SLIT2: variants seen among roughly 807,000 people sequenced by gnomAD.
SLIT2 encodes slit guidance ligand 2, also known as slit homolog 2 protein.
Under a neutral mutation model 185.7 loss-of-function variants are expected in SLIT2, and 41 were observed. The ratio of observed to expected loss-of-function variants is 0.22; its 90% CI spans 0.17 to 0.29. The LOEUF is 0.29. SLIT2 is among the 10% of genes least tolerant of loss of function. The pLI is 1.00. For synonymous variants in SLIT2, 693 were observed against 680.2 expected, an observed-to-expected ratio of 1.02 and a Z score of -0.29; for missense variants, 1,571 against 1,909.0, an observed-to-expected ratio of 0.82 and a Z score of 3.30.
Position 20,472,321 on chromosome 4 carries a change from T to G in SLIT2, c.467+4498T>G, listed in dbSNP as rs550596359. Among the ~76,000 whole-genome samples, 408 of 78,486 alleles carry G rather than the reference T, an allele frequency of 5.2e-3. 15 individuals are homozygous for G. The highest frequency in any genetic ancestry group is 0.024 in the Middle Eastern group (2 of 84). 51.5% of individuals were successfully genotyped at this position (78,486 alleles called of 152,430 possible). On this transcript the variant is annotated intron_variant, in intron 5 of 36. Transcript: ENST00000504154. ...ATATATAGATCTATATATAGATATA[T>G]ATATCTATATATAGATCTATATATA...
intron 5 of SLIT2, among the ~76,000 whole-genome samples, chr4:20,468,536 AT>A (rs5856560): frequency 0.043 from 6,525 of 152,116 alleles, 231 homozygotes; most frequent in African/African-American, 0.098. Flanking sequence ...AATTATAAGC[AT>A]TTTTTAAGTG....
In SLIT2 at chr4:20,595,830, T is replaced by C. The variant is rs142112521; in HGVS notation, c.3316T>C (p.Tyr1106His). Residue 1106 changes from tyrosine to histidine, a missense_variant, in exon 31 of 37, where the codon TAC becomes CAC. Transcript: ENST00000504154. ...CTATACGTGCATATGCCCCGAAGGT[T>C]ACAGGTAAAAGCAGAAATGAATAAG... ...NGYTCICPEGYSGLFCEFSPP... is the reference protein window; with the variant it reads ...NGYTCICPEGHSGLFCEFSPP... The C allele has an allele frequency of 4.3e-5, 70 of 1,613,278 alleles. No individual in the cohort carries two copies. The African/African-American group carries it at 8.7e-4, about 20-fold the overall frequency.
chr4:20,409,772 G>C (rs1301701782), intron 4 of SLIT2, among the ~76,000 whole-genome samples: 2 of 152,144 alleles, frequency 1.3e-5, no homozygotes, highest in African/African-American at 4.8e-5. Flanking sequence ...TCTTACTGGT[G>C]TGAGATGATA....
chr4:20,373,440 A>T (rs1318108465), intron 4 of SLIT2, among the ~76,000 whole-genome samples: 1 of 152,064 alleles, frequency 6.6e-6, no homozygotes, highest in Non-Finnish European at 1.5e-5. Context: ...TTTCACACAC[A>T]AGTTTAACTC....
chr4:20,322,745 T>C (rs1391951928), intron 4 of SLIT2, among the ~76,000 whole-genome samples: 1 of 152,166 alleles, frequency 6.6e-6, no homozygotes, highest in Non-Finnish European at 1.5e-5. Flanking sequence ...AGTCAGTGTC[T>C]CTGCCCCATT....
At chr4:20,460,154 C>G (rs533454281) in intron 4 of SLIT2, among the ~76,000 whole-genome samples, 1 of 152,022 alleles carries the variant, frequency 6.6e-6, no homozygotes, top group African/African-American at 2.4e-5. Context: ...TGAGCCACTG[C>G]GCCTGGCCAT....
chr4:20,616,302 T>C (rs1349749751), intron 34 of SLIT2: 1 of 152,258 alleles, frequency 6.6e-6, no homozygotes, highest in Admixed American at 6.5e-5. Flanking sequence ...GAATGGTCAC[T>C]GTGAACCCCA....
chr4:20,565,641 A>G (rs1725029634), intron 26 of SLIT2, among the ~76,000 whole-genome samples: 1 of 151,254 alleles, frequency 6.6e-6, no homozygotes, highest in Non-Finnish European at 1.5e-5. Context: ...TGATATAGAG[A>G]CTCCTTTAGT....
chr4:20,400,899 A>G (rs1726296052), intron 4 of SLIT2, among the ~76,000 whole-genome samples: 1 of 151,860 alleles, frequency 6.6e-6, no homozygotes, highest in South Asian at 2.1e-4. Flanking sequence ...CAAGGGTGGT[A>G]TCCATAAATT....
intron 5 of SLIT2, among the ~76,000 whole-genome samples, chr4:20,475,747 T>TA (rs1716028736): frequency 6.6e-6 from 1 of 152,138 alleles, no homozygotes. Context: ...CACTTTTGAT[T>TA]AGTTCACTTA....
chr4:20,536,691 T>G (rs1722326030), intron 18 of SLIT2, among the ~76,000 whole-genome samples: 1 of 151,928 alleles, frequency 6.6e-6, no homozygotes, highest in Non-Finnish European at 1.5e-5. Flanking sequence ...CTTTATGAAC[T>G]TTTTAATGTT....
intron 4 of SLIT2, among the ~76,000 whole-genome samples, chr4:20,364,927 A>G (rs991444262): frequency 6.6e-6 from 1 of 152,082 alleles, no homozygotes; most frequent in African/African-American, 2.4e-5. Flanking sequence ...TGACTGTAGC[A>G]TGTCTTATTT....
intron 4 of SLIT2, among the ~76,000 whole-genome samples, chr4:20,355,314 C>A (rs1425388314): frequency 6.6e-6 from 1 of 152,148 alleles, no homozygotes; most frequent in Non-Finnish European, 1.5e-5. Flanking sequence ...CTGTAGATTT[C>A]TATTACTGCA....
At chr4:20,541,704 C>T in intron 20 of SLIT2, 85 bp downstream of exon 20, 1 of 1,177,340 alleles carries the variant, frequency 8.5e-7, no homozygotes, top group Non-Finnish European at 1.2e-6. Context: ...CAGCATAGTT[C>T]AGCTCAGCAA....
At chr4:20,423,666 G>A (rs1252206921) in intron 4 of SLIT2, among the ~76,000 whole-genome samples, 2 of 152,140 alleles carry the variant, frequency 1.3e-5, no homozygotes, top group East Asian at 1.9e-4. Flanking sequence ...ACTATGATTG[G>A]CATTTAAGGG....
rs1721528687 is a variant in SLIT2, at chr4:20,528,831, C to T, written c.1463-118C>T. 1 of 743,532 alleles carries T rather than the reference C, an allele frequency of 1.3e-6. No individual in the cohort carries two copies. The highest frequency in any genetic ancestry group is 2.6e-5 in the South Asian group (1 of 38,400). 46.1% of individuals were successfully genotyped at this position (743,532 alleles called of 1,614,324 possible). ...CTCCTGACATCCATTGACCAAAATA[C>T]CCCAAGTTGTCTCCCTGCTACATAA... On this transcript the variant is annotated intron_variant, in intron 15 of 36. Coordinates refer to ENST00000504154, the MANE Select transcript of SLIT2 (RefSeq NM_004787.4). This position sits in a 1 kb window ranked among gnomAD's most constrained non-coding sequence, Gnocchi z 4.2.
chr4:20,479,435 A>T (rs1716464789), intron 5 of SLIT2, among the ~76,000 whole-genome samples: 1 of 152,126 alleles, frequency 6.6e-6, no homozygotes, highest in South Asian at 2.1e-4. Flanking sequence ...CGAGGACAGG[A>T]TGCATTTGTA....
In SLIT2 at chr4:20,617,525, A is replaced by G. The variant is rs934999894; in HGVS notation, c.4223A>G (p.Glu1408Gly). The change falls in exon 36 of 37, where the codon GAA (glutamate) becomes GGA (glycine). Residue 1408 changes from glutamate (E) to glycine (G), a missense_variant. By Grantham distance (98) the Glu-to-Gly change is moderately conservative. This residue lies in a region of SLIT2 where 223 missense variants were observed against 245.2 expected (regional missense o/e 0.91). Coordinates refer to ENST00000504154, the MANE Select transcript of SLIT2 (RefSeq NM_004787.4). ...LEGHGGVLCD[E>G]EEDLFNPCQA... ...GGCCATGGAGGTGTCCTCTGTGATG[A>G]AGAGGAGGATCTGTTTAACCCATGC... 3.1e-6 allele frequency: 5 copies of G among 1,613,610 alleles called. No homozygotes were observed. In the African/African-American group the frequency reaches 6.7e-5, roughly 22 times the overall value.
chr4:20,373,949 G>C (rs1723799730), intron 4 of SLIT2, among the ~76,000 whole-genome samples: 1 of 152,072 alleles, frequency 6.6e-6, no homozygotes, highest in Non-Finnish European at 1.5e-5. Flanking sequence ...AGATGTAGTA[G>C]CAGAACCTGG....
Sources: gnomAD v4.1 joint callset for allele counts (sites outside exome capture counted in the v4.1 genomes callset) on GRCh38, gnomAD v4.1.1 for gene constraint, gnomAD v4.1.1 regional missense constraint, Gnocchi (gnomAD v3.1) non-coding constraint, MANE v1.5 for transcripts, NCBI Gene and HGNC (gene_info 2026-07-23, HGNC 2026-07-21) for gene names.